SGCZ: variants seen among roughly 807,000 people sequenced by gnomAD.
SGCZ encodes sarcoglycan zeta.
Under a neutral mutation model 41.3 loss-of-function variants are expected in SGCZ, and 40 were observed. That is an observed-to-expected ratio of 0.97 (90% CI 0.75 to 1.26). SGCZ has a LOEUF of 1.26. Among genes scored for constraint, SGCZ ranks in the 50% most tolerant of loss-of-function variants. The probability of loss-of-function intolerance (pLI) is 0.00; values close to 1 mark genes in which losing one functional copy is unlikely to be tolerated. For missense variants in SGCZ, 552 were observed against 369.8 expected, an observed-to-expected ratio of 1.49 and a Z score of -4.04; for synonymous variants, 206 against 137.5, an observed-to-expected ratio of 1.50 and a Z score of -3.49.
rs188569637 is a variant in SGCZ at position 14,417,588 on chromosome 8, C to T, written c.235-93384G>A. 3.8e-4 allele frequency among the ~76,000 whole-genome samples: 58 copies of T among 151,760 alleles called. 1 individual carries two copies. Among genetic ancestry groups the T allele is most frequent in the Middle Eastern group, 6.8e-3 (2 of 294 alleles). ...TTTCGTTTCTTACATTCTAAAATTA[C>T]CTAATTGTCACATAGAAGTAATATT... On this transcript the variant is annotated intron_variant, in intron 2 of 7. Transcript: ENST00000382080.
At chr8:14,365,324 T>C (rs897628627) in intron 2 of SGCZ, among the ~76,000 whole-genome samples, 1 of 152,136 alleles carries the variant, frequency 6.6e-6, no homozygotes, top group African/African-American at 2.4e-5. Flanking sequence ...AGTTAAATAA[T>C]TTTTGTATTG....
rs140724513 is a variant in SGCZ, at chr8:15,204,650, G to C, written c.39+32935C>G. ...CACAAGAATGAAACACCATACGATA[G>C]AAAGACTCATCTCAAGTCCTGCCCT... On this transcript the variant is annotated intron_variant, in intron 1 of 7. Coordinates refer to ENST00000382080, the MANE Select transcript of SGCZ (RefSeq NM_139167.4). 3.1e-3 allele frequency among the ~76,000 whole-genome samples: 473 copies of C among 152,140 alleles called. 3 individuals are homozygous for C. Among genetic ancestry groups the C allele is most frequent in the African/African-American group, 0.011 (454 of 41,534 alleles).
intron 1 of SGCZ, among the ~76,000 whole-genome samples, chr8:14,747,723 G>A (rs1005319881): frequency 1.4e-5 from 2 of 147,362 alleles, no homozygotes; most frequent in African/African-American, 5.0e-5. Context: ...GTGTGTGTGT[G>A]TGTGTGTGTG....
chr8:14,726,715 A>G (rs1346029965), intron 1 of SGCZ, among the ~76,000 whole-genome samples: 2 of 152,112 alleles, frequency 1.3e-5, no homozygotes, highest in Non-Finnish European at 2.9e-5. Flanking sequence ...ACAATTAGCA[A>G]ACTTGAATGA....
chr8:14,598,232 T>C (rs2117304450), intron 1 of SGCZ, among the ~76,000 whole-genome samples: 1 of 152,096 alleles, frequency 6.6e-6, no homozygotes, highest in South Asian at 2.1e-4. Context: ...TTTTCATTTA[T>C]TTATTAACAA....
At chr8:14,864,838 T>A (rs558837858) in intron 1 of SGCZ, among the ~76,000 whole-genome samples, 112 of 152,236 alleles carry the variant, frequency 7.4e-4, no homozygotes, top group African/African-American at 2.6e-3. Flanking sequence ...GTGTTTGTTA[T>A]TTTTGGTCTT....
chr8:14,636,344 T>C (rs1304579804), intron 1 of SGCZ, among the ~76,000 whole-genome samples: 1 of 151,808 alleles, frequency 6.6e-6, no homozygotes, highest in Non-Finnish European at 1.5e-5. Flanking sequence ...AACCACAATA[T>C]ATGGAATAGA....
chr8:15,056,215 A>T (rs184560189), intron 1 of SGCZ, among the ~76,000 whole-genome samples: 1 of 152,286 alleles, frequency 6.6e-6, no homozygotes, highest in East Asian at 1.9e-4. Context: ...AGACCCTTGG[A>T]TCTAAGTATC....
chr8:14,928,090 C>T (rs1333073532), intron 1 of SGCZ, among the ~76,000 whole-genome samples: 1 of 152,174 alleles, frequency 6.6e-6, no homozygotes, highest in Non-Finnish European at 1.5e-5. Context: ...TCCTAACTGG[C>T]TTGTCACTCT....
At position 14,731,427 on chromosome 8, in the gene SGCZ, C is replaced by G. The variant is rs146826671; in HGVS notation, c.40-176501G>C. Among the ~76,000 whole-genome samples the G allele has an allele frequency of 1.6e-3, 247 of 152,052 alleles. 4 individuals are homozygous for G. The East Asian group carries it at 0.036, about 22-fold the overall frequency. On this transcript the variant is annotated intron_variant, in intron 1 of 7. Transcript: ENST00000382080. The stretch of plus-strand genomic sequence containing the variant: ...GGAGGGAGAGTATTAGGAGAAATAC[C>G]TGATGTAGATGATGGGTTGATAGGT...
chr8:14,207,234 A>G (rs1334770378), intron 4 of SGCZ, among the ~76,000 whole-genome samples: 1 of 152,200 alleles, frequency 6.6e-6, no homozygotes, highest in African/African-American at 2.4e-5. Context: ...AGCAACTTGT[A>G]TTTAACTAGT....
chr8:14,381,983 T>G (rs971119604), intron 2 of SGCZ, among the ~76,000 whole-genome samples: 2 of 152,150 alleles, frequency 1.3e-5, no homozygotes, highest in Admixed American at 1.3e-4. Context: ...TTGGTCAAAT[T>G]TGTTCCATGT....
intron 3 of SGCZ, among the ~76,000 whole-genome samples, chr8:14,264,915 A>G (rs970491112): frequency 6.6e-6 from 1 of 152,150 alleles, no homozygotes; most frequent in Non-Finnish European, 1.5e-5. Context: ...GTGAGCCGAG[A>G]TGGCGCCACT....
intron 1 of SGCZ, among the ~76,000 whole-genome samples, chr8:15,062,867 G>T (rs1804987440): frequency 6.6e-6 from 1 of 152,190 alleles, no homozygotes; most frequent in East Asian, 1.9e-4. Flanking sequence ...ACTATGAAAT[G>T]TATTCAAAGA....
intron 1 of SGCZ, among the ~76,000 whole-genome samples, chr8:14,576,782 G>A (rs575079654): frequency 1.8e-4 from 28 of 152,256 alleles, no homozygotes; most frequent in African/African-American, 5.3e-4. Flanking sequence ...ATGAGCAGAT[G>A]CACACATCAA....
At chr8:15,146,526 C>T (rs758191730) in intron 1 of SGCZ, among the ~76,000 whole-genome samples, 1 of 152,186 alleles carries the variant, frequency 6.6e-6, no homozygotes, top group African/African-American at 2.4e-5. Flanking sequence ...AAGAATGTAC[C>T]ACTGTACCTG....
intron 1 of SGCZ, among the ~76,000 whole-genome samples, chr8:14,768,597 G>A (rs1241968099): frequency 6.6e-6 from 1 of 152,140 alleles, no homozygotes; most frequent in African/African-American, 2.4e-5. Context: ...ATGGCCTCAT[G>A]GGCCTGCATC....
At chr8:14,646,894 G>C (rs1382843478) in intron 1 of SGCZ, among the ~76,000 whole-genome samples, 1 of 151,872 alleles carries the variant, frequency 6.6e-6, no homozygotes, top group East Asian at 1.9e-4. Context: ...TGTTATGAGA[G>C]TATTTCAAAA....
At chr8:15,194,413 T>C (rs1800650858) in intron 1 of SGCZ, among the ~76,000 whole-genome samples, 2 of 152,142 alleles carry the variant, frequency 1.3e-5, no homozygotes, top group East Asian at 3.9e-4. Context: ...TACAATAATA[T>C]TCCCCCATAC....
Sources: gnomAD v4.1 joint callset for allele counts (sites outside exome capture counted in the v4.1 genomes callset) on GRCh38, gnomAD v4.1.1 for gene constraint, MANE v1.5 for transcripts, NCBI Gene and HGNC (gene_info 2026-07-23, HGNC 2026-07-21) for gene names.